GALNTL6: variants seen among roughly 807,000 people sequenced by gnomAD.
GALNTL6 encodes the protein polypeptide N-acetylgalactosaminyltransferase-like 6.
A neutral mutation model predicts 73.7 loss-of-function variants in GALNTL6; 46 were observed. That is an observed-to-expected ratio of 0.62 (90% confidence interval 0.49 to 0.80). The LOEUF (loss-of-function observed/expected upper bound fraction) is 0.80, where lower values mean the gene tolerates loss of function less well. GALNTL6 is among the 30% of genes least tolerant of loss of function. GALNTL6 has a pLI of 0.00. For synonymous variants in GALNTL6, 259 were observed against 263.7 expected, an observed-to-expected ratio of 0.98 and a Z score of 0.17; for missense variants, 604 against 755.0, an observed-to-expected ratio of 0.80 and a Z score of 2.34.
chr4:172,203,972 A>G (rs1488474407), intron 2 of GALNTL6, among the ~76,000 whole-genome samples: 1 of 151,960 alleles, frequency 6.6e-6, no homozygotes, highest in African/African-American at 2.4e-5. Context: ...TCTCGAACTA[A>G]CGACCTCAGG....
At position 172,658,074 on chromosome 4, in the gene GALNTL6, C is replaced by T. The variant is rs1200458904; in HGVS notation, c.554-151287C>T. On this transcript the variant is annotated intron_variant, in intron 5 of 12. Transcript: ENST00000506823. ...CTGAGGCAGGAGAATGGCGTGAACCCGGGAGGCGGAGCTTGCAGTGAGCCG... is the reference window on the plus strand; with the variant it reads ...CTGAGGCAGGAGAATGGCGTGAACCTGGGAGGCGGAGCTTGCAGTGAGCCG... Among the ~76,000 whole-genome samples, 75 of 110,708 alleles carry T rather than the reference C, an allele frequency of 6.8e-4. 2 individuals carry two copies. The highest frequency in any genetic ancestry group is 4.9e-4 in the Admixed American group (4 of 8,160). 72.6% of individuals were successfully genotyped at this position (110,708 alleles called of 152,430 possible). A position where few individuals can be genotyped will look rare whatever the true frequency, so the allele number is the denominator to read the frequency against.
chr4:171,913,548 G>C (rs934422150), intron 2 of GALNTL6, among the ~76,000 whole-genome samples: 1 of 152,086 alleles, frequency 6.6e-6, no homozygotes. Context: ...CATTTCTTCA[G>C]AAATATTCAA....
At chr4:171,922,967 C>T (rs1737839612) in intron 2 of GALNTL6, among the ~76,000 whole-genome samples, 1 of 151,974 alleles carries the variant, frequency 6.6e-6, no homozygotes, top group Non-Finnish European at 1.5e-5. Flanking sequence ...TCCAAAACCC[C>T]AAATTACTTC....
intron 2 of GALNTL6, among the ~76,000 whole-genome samples, chr4:172,103,978 C>T (rs1457167898): frequency 6.8e-6 from 1 of 147,680 alleles, no homozygotes; most frequent in African/African-American, 2.5e-5. Context: ...CAGTCTCGCT[C>T]TTTTGCCCAG....
chr4:171,872,929 T>C (rs1432757789), intron 2 of GALNTL6, among the ~76,000 whole-genome samples: 1 of 152,136 alleles, frequency 6.6e-6, no homozygotes, highest in Non-Finnish European at 1.5e-5. Flanking sequence ...GACATGGAGC[T>C]TACATCCAGT....
chr4:172,284,400 C>G (rs770114630), intron 3 of GALNTL6, among the ~76,000 whole-genome samples: 8 of 151,784 alleles, frequency 5.3e-5, no homozygotes, highest in Non-Finnish European at 1.2e-4. Context: ...ATCCACCCCC[C>G]ACACACACCA....
chr4:172,399,428 A>G (rs905392384), intron 5 of GALNTL6, among the ~76,000 whole-genome samples: 1 of 152,006 alleles, frequency 6.6e-6, no homozygotes, highest in African/African-American at 2.4e-5. Flanking sequence ...TTTTAGTACA[A>G]ATTGTCTTTA....
At chr4:172,780,741 TC>T (rs1196607537) in intron 5 of GALNTL6, among the ~76,000 whole-genome samples, 1 of 152,140 alleles carries the variant, frequency 6.6e-6, no homozygotes, top group Non-Finnish European at 1.5e-5. Context: ...TCTGTCTCCT[TC>T]CCCTTAAGAG....
intron 2 of GALNTL6, among the ~76,000 whole-genome samples, chr4:172,177,634 A>G (rs995950339): frequency 6.6e-6 from 1 of 151,670 alleles, no homozygotes; most frequent in Non-Finnish European, 1.5e-5. Flanking sequence ...GTACAAATAG[A>G]TATCATTTTA....
chr4:171,988,554 G>T (rs998836755), intron 2 of GALNTL6, among the ~76,000 whole-genome samples: 12 of 152,142 alleles, frequency 7.9e-5, no homozygotes, highest in African/African-American at 2.7e-4. Context: ...GGGAGGTATT[G>T]AGGATAGGAG....
chr4:172,426,370 A>C (rs377188175), intron 5 of GALNTL6, among the ~76,000 whole-genome samples: 2 of 152,158 alleles, frequency 1.3e-5, no homozygotes, highest in African/African-American at 4.8e-5. Context: ...AATAAATAGT[A>C]AAACCCTGTG....
At chr4:171,855,107 A>T (rs759961386) in intron 2 of GALNTL6, among the ~76,000 whole-genome samples, 1 of 151,966 alleles carries the variant, frequency 6.6e-6, no homozygotes, top group Non-Finnish European at 1.5e-5. Flanking sequence ...TTAATTAGCC[A>T]GTTTTGATGT....
intron 2 of GALNTL6, among the ~76,000 whole-genome samples, chr4:171,986,037 CAAAAAAAAAAAA>C (rs10686994): frequency 1.2e-5 from 1 of 82,126 alleles, no homozygotes; most frequent in African/African-American, 5.3e-5. Context: ...GACTCTGTCT[CAAAAAAAAAAAA>C]AAAAAAAACA....
chr4:172,156,728 A>G (rs993949662), intron 2 of GALNTL6, among the ~76,000 whole-genome samples: 10 of 151,660 alleles, frequency 6.6e-5, no homozygotes, highest in Non-Finnish European at 1.0e-4. Flanking sequence ...CTTAAATGTC[A>G]TGACTGATAC....
intron 2 of GALNTL6, among the ~76,000 whole-genome samples, chr4:171,908,840 T>C (rs1341030132): frequency 2.6e-5 from 4 of 151,428 alleles, no homozygotes; most frequent in South Asian, 2.1e-4. Flanking sequence ...TCATGTCCTT[T>C]GTAGGGACAT....
intron 4 of GALNTL6, among the ~76,000 whole-genome samples, chr4:172,341,466 A>G (rs991296992): frequency 6.6e-6 from 1 of 151,776 alleles, no homozygotes; most frequent in African/African-American, 2.4e-5. Context: ...AAAAAAAAAA[A>G]AAAAAAAAAA....
At chr4:172,815,805 G>A (rs1029680184) in intron 7 of GALNTL6, among the ~76,000 whole-genome samples, 1 of 152,302 alleles carries the variant, frequency 6.6e-6, no homozygotes, top group South Asian at 2.1e-4. Context: ...TTCATCTATT[G>A]CATATTACTA....
chr4:172,304,117 G>T (rs978908129), intron 3 of GALNTL6, among the ~76,000 whole-genome samples: 18 of 152,120 alleles, frequency 1.2e-4, no homozygotes, highest in Non-Finnish European at 1.0e-4. Context: ...GTTAATAACT[G>T]TGGTGTTCAT....
chr4:172,236,279 A>G (rs1737236606), intron 3 of GALNTL6, among the ~76,000 whole-genome samples: 2 of 152,296 alleles, frequency 1.3e-5, no homozygotes, highest in East Asian at 1.9e-4. Flanking sequence ...TTATAAAAGT[A>G]TATTAGCTGC....
Sources: allele counts gnomAD v4.1 joint callset (sites outside exome capture counted in the v4.1 genomes callset), GRCh38; gene constraint gnomAD v4.1.1; transcripts MANE v1.5; gene names NCBI Gene and HGNC (gene_info 2026-07-23, HGNC 2026-07-21).